IPO11: variants seen among roughly 807,000 people sequenced by gnomAD.
IPO11 encodes importin-11.
In IPO11, 66 loss-of-function variants were observed where a neutral mutation model predicts 143.2. That is an observed-to-expected ratio of 0.46 (90% CI 0.38 to 0.57). The LOEUF (loss-of-function observed/expected upper bound fraction) is 0.57. IPO11 is among the 20% of genes least tolerant of loss of function. IPO11 has a pLI of 0.00. For synonymous variants in IPO11, 385 were observed against 377.8 expected (o/e 1.02, Z -0.22); for missense variants, 1,026 against 1,141.0 (o/e 0.90, Z 1.45).
chr5:62,443,636 G>GA (rs1431053596), intron 3 of IPO11, among the ~76,000 whole-genome samples: 1 of 149,614 alleles, frequency 6.7e-6, no homozygotes, highest in East Asian at 2.0e-4. Context: ...GGATTTGGAA[G>GA]AAAAAAAAAG....
chr5:62,415,357 T>A (rs939276337), intron 1 of IPO11, among the ~76,000 whole-genome samples: 1 of 151,876 alleles, frequency 6.6e-6, no homozygotes, highest in Admixed American at 6.6e-5. Flanking sequence ...AGACAGGGTT[T>A]CACCATTTTG....
At chr5:62,579,006 G>T (rs1027776247) in intron 27 of IPO11, 2 of 238,048 alleles carry the variant, frequency 8.4e-6, no homozygotes. Context: ...CTGTAATTTA[G>T]AATTTAATTG....
intron 5 of IPO11, among the ~76,000 whole-genome samples, chr5:62,455,074 T>A (rs1483655787): frequency 6.6e-6 from 1 of 152,208 alleles, no homozygotes; most frequent in Non-Finnish European, 1.5e-5. Context: ...TGTAGTTAAT[T>A]GAAGGTAGCA....
At chr5:62,559,126 G>T (rs1276544455) in intron 26 of IPO11, among the ~76,000 whole-genome samples, 1 of 152,104 alleles carries the variant, frequency 6.6e-6, no homozygotes, top group Non-Finnish European at 1.5e-5. Context: ...AAGGCTGCTG[G>T]CTGATCAGGA....
At chr5:62,476,776 T>C in intron 9 of IPO11, 23 bp downstream of exon 9, 1 of 1,492,412 alleles carries the variant, frequency 6.7e-7, no homozygotes. Flanking sequence ...AAAACTTGTT[T>C]TCTCAAATAT....
intron 7 of IPO11, 54 bp from the exon 8 acceptor site, chr5:62,474,362 A>T (rs1299937259): frequency 1.8e-5 from 20 of 1,085,806 alleles, no homozygotes; most frequent in Admixed American, 1.3e-4. Context: ...AAAAGATACA[A>T]GGTAAATGTT....
chr5:62,451,662 G>C, intron 4 of IPO11, 68 bp from the exon 5 acceptor site: 1 of 1,161,932 alleles, frequency 8.6e-7, no homozygotes, highest in Non-Finnish European at 1.3e-6. Flanking sequence ...TTAACAAGGT[G>C]ATTTGTCACC....
At chr5:62,480,274 C>T (rs1466815525) in intron 9 of IPO11, among the ~76,000 whole-genome samples, 2 of 152,120 alleles carry the variant, frequency 1.3e-5, no homozygotes, top group Non-Finnish European at 2.9e-5. Flanking sequence ...TTTCTGAGAG[C>T]CCTATTCTGT....
chr5:62,467,349 C>T, intron 6 of IPO11, 86 bp downstream of exon 6: 3 of 1,350,314 alleles, frequency 2.2e-6, no homozygotes, highest in Non-Finnish European at 3.0e-6. Context: ...GTTTTCTGTT[C>T]CCAGTTTCAC....
At position 62,425,682 on chromosome 5, in the gene IPO11, G is replaced by A. The variant is rs192800895; in HGVS notation, c.-6-11592G>A. On this transcript the variant is annotated intron_variant, in intron 1 of 29. Coordinates refer to ENST00000325324, the MANE Select transcript of IPO11 (RefSeq NM_016338.5). ...AATAGTACATTATCCGGTAAAGAAAGAAGCAAGTTGATGTGGGAACTGGTA... is the reference window on the plus strand; with the variant it reads ...AATAGTACATTATCCGGTAAAGAAAAAAGCAAGTTGATGTGGGAACTGGTA... 3.2e-3 allele frequency among the ~76,000 whole-genome samples: 490 copies of A among 152,326 alleles called. 2 individuals carry two copies. The highest frequency in any genetic ancestry group is 5.2e-3 in the Non-Finnish European group (354 of 68,034).
intron 1 of IPO11, chr5:62,418,790 C>A: frequency 2.4e-6 from 1 of 413,884 alleles, no homozygotes; most frequent in Non-Finnish European, 4.3e-6. Flanking sequence ...CGTATTGTCT[C>A]CAAGTCTCTG....
chr5:62,504,986 G>T, intron 18 of IPO11, 88 bp downstream of exon 18: 1 of 679,780 alleles, frequency 1.5e-6, no homozygotes. Flanking sequence ...AATTATCTAT[G>T]TGTTACTTAT....
intron 5 of IPO11, among the ~76,000 whole-genome samples, chr5:62,464,871 A>G (rs976380828): frequency 2.0e-5 from 3 of 152,272 alleles, no homozygotes; most frequent in Non-Finnish European, 2.9e-5. Context: ...CTATACAGAC[A>G]TTAATGTTAA....
intron 3 of IPO11, among the ~76,000 whole-genome samples, chr5:62,444,909 T>C (rs754686427): frequency 1.3e-5 from 2 of 151,006 alleles, no homozygotes; most frequent in Non-Finnish European, 3.0e-5. Flanking sequence ...TATATATATA[T>C]AAACATACAT....
intron 29 of IPO11, among the ~76,000 whole-genome samples, chr5:62,623,454 G>C (rs1746443223): frequency 6.6e-6 from 1 of 152,106 alleles, no homozygotes. Context: ...AAGCAGTCCT[G>C]ATCCAGATCC....
intron 1 of IPO11, among the ~76,000 whole-genome samples, chr5:62,425,785 T>G (rs1192648890): frequency 6.6e-6 from 1 of 152,200 alleles, no homozygotes; most frequent in Non-Finnish European, 1.5e-5. Flanking sequence ...GTGATACAAG[T>G]GTACACAATA....
chr5:62,426,282 G>A (rs969031798), intron 1 of IPO11, among the ~76,000 whole-genome samples: 1 of 152,196 alleles, frequency 6.6e-6, no homozygotes, highest in African/African-American at 2.4e-5. Context: ...AGCTACTTGG[G>A]AGGCTGAGGC....
chr5:62,616,045 G>A (rs1035879153), intron 29 of IPO11, among the ~76,000 whole-genome samples: 1 of 146,782 alleles, frequency 6.8e-6, no homozygotes, highest in Non-Finnish European at 1.5e-5. Context: ...GTGGAAGATG[G>A]GGTGGAGGGG....
rs774125735 is a variant in IPO11 at position 62,484,101 on chromosome 5, T to A, written c.1113T>A (p.Ser371=). ...CAGAGATATGTAGAAGATTAGTCTC[T>A]CATTATTTCCTATTAACTGAAGAAG... ...TLTEICRRLV[S]HYFLLTEEEL... Residue 371 remains serine (S), a synonymous_variant, in exon 11 of 30, where the codon TCT becomes TCA. Coordinates refer to ENST00000325324, the MANE Select transcript of IPO11 (RefSeq NM_016338.5). The A allele has an allele frequency of 6.2e-7, 1 of 1,611,394 alleles. No homozygotes were observed. The highest frequency in any genetic ancestry group is 1.1e-5 in the South Asian group (1 of 90,398).
Sources: gnomAD v4.1 joint callset for allele counts (sites outside exome capture counted in the v4.1 genomes callset) on GRCh38, gnomAD v4.1.1 for gene constraint, MANE v1.5 for transcripts, NCBI Gene and HGNC (gene_info 2026-07-23, HGNC 2026-07-21) for gene names.